Variants in ELAPOR2 observed in about 807,000 individuals in gnomAD.
ELAPOR2 encodes the protein endosome-lysosome associated apoptosis and autophagy regulator family member 2.
Under a neutral mutation model 120.7 loss-of-function variants are expected in ELAPOR2, and 89 were observed. The ratio of observed to expected loss-of-function variants is 0.74; its 90% CI spans 0.62 to 0.88. ELAPOR2 has a LOEUF of 0.88. ELAPOR2 is among the 40% of genes least tolerant of loss of function. The pLI is 0.00. For missense variants in ELAPOR2, 1,134 were observed against 1,251.6 expected (o/e 0.91, Z 1.42); for synonymous variants, 444 against 444.9 (o/e 1.00, Z 0.03).
chr7:86,944,609 T>C (rs1002731059), intron 4 of ELAPOR2, among the ~76,000 whole-genome samples: 4 of 152,116 alleles, frequency 2.6e-5, no homozygotes, highest in African/African-American at 7.2e-5. Flanking sequence ...GAAATATTTG[T>C]CACACAAAAA....
chr7:87,023,565 T>C (rs1398470505), intron 1 of ELAPOR2, among the ~76,000 whole-genome samples: 2 of 152,176 alleles, frequency 1.3e-5, no homozygotes, highest in Admixed American at 6.6e-5. Flanking sequence ...TTTGGTTCCA[T>C]ATTAACTTTA....
rs558548699 is a variant in ELAPOR2, at chr7:86,989,309, A to G, written c.190-24285T>C. On this transcript the variant is annotated intron_variant, in intron 1 of 21. Coordinates refer to ENST00000450689, the MANE Select transcript of ELAPOR2 (RefSeq NM_001142749.3). Reference sequence around the variant, plus strand: ...AAATATGCACATACAAAATACGTGCATATTTAGAGATTAGAGATTCTTGCA... The same window carrying G: ...AAATATGCACATACAAAATACGTGCGTATTTAGAGATTAGAGATTCTTGCA... Among the ~76,000 whole-genome samples, 4 of 152,342 alleles carry G rather than the reference A, an allele frequency of 2.6e-5. No individual in the cohort carries two copies. The East Asian group carries it at 7.7e-4, about 29-fold the overall frequency.
intron 1 of ELAPOR2, among the ~76,000 whole-genome samples, chr7:87,006,551 A>C (rs1793483763): frequency 6.6e-6 from 1 of 152,136 alleles, no homozygotes; most frequent in Admixed American, 6.6e-5. Flanking sequence ...AAAGAAAAAG[A>C]CTGAAAACTC....
At chr7:87,006,186 A>G (rs1793463681) in intron 1 of ELAPOR2, among the ~76,000 whole-genome samples, 1 of 152,170 alleles carries the variant, frequency 6.6e-6, no homozygotes, top group East Asian at 1.9e-4. Context: ...TCAGCACAGG[A>G]CTTCAACAGA....
At chr7:86,880,918 G>A (rs1301886879) in intron 21 of ELAPOR2, among the ~76,000 whole-genome samples, 1 of 151,650 alleles carries the variant, frequency 6.6e-6, no homozygotes, top group South Asian at 2.1e-4. Context: ...ATATTTTCAG[G>A]ATAATATAGG....
chr7:86,881,223 GTC>G (rs202134818), intron 21 of ELAPOR2, among the ~76,000 whole-genome samples: 1,706 of 152,156 alleles, frequency 0.011, 28 homozygotes, highest in African/African-American at 0.04. Context: ...TTGAGACAGG[GTC>G]TCTCTCTGTC....
intron 1 of ELAPOR2, among the ~76,000 whole-genome samples, chr7:87,058,859 G>C (rs1795344504): frequency 1.3e-5 from 2 of 152,116 alleles, no homozygotes; most frequent in Non-Finnish European, 2.9e-5. Flanking sequence ...TGAGGGCAGG[G>C]GAGTAGGACG....
At chr7:86,960,677 T>C (rs1791667890) in intron 2 of ELAPOR2, among the ~76,000 whole-genome samples, 2 of 152,232 alleles carry the variant, frequency 1.3e-5, no homozygotes, top group South Asian at 2.1e-4. Flanking sequence ...GTCTGCTTTA[T>C]ATATTTAGAT....
At chr7:86,885,508 C>T (rs909822451) in intron 21 of ELAPOR2, among the ~76,000 whole-genome samples, 3 of 152,122 alleles carry the variant, frequency 2.0e-5, no homozygotes, top group Non-Finnish European at 4.4e-5. Flanking sequence ...TGCCTCCCTC[C>T]CAAACTACCC....
chr7:86,977,602 G>A (rs752583570), intron 1 of ELAPOR2, among the ~76,000 whole-genome samples: 6 of 152,110 alleles, frequency 3.9e-5, no homozygotes, highest in Non-Finnish European at 7.4e-5. Context: ...TTCTTCACAA[G>A]TTATCTGTTC....
intron 1 of ELAPOR2, among the ~76,000 whole-genome samples, chr7:86,978,844 A>C (rs1464584926): frequency 6.6e-6 from 1 of 152,262 alleles, no homozygotes; most frequent in Non-Finnish European, 1.5e-5. Context: ...GTTTCAGGTC[A>C]TAAACTATAC....
At chr7:86,947,700 G>A (rs771267869) in intron 3 of ELAPOR2, 27 bp downstream of exon 3, 2 of 1,531,508 alleles carry the variant, frequency 1.3e-6, no homozygotes, top group Non-Finnish European at 1.8e-6. Context: ...ATTCAGTTAA[G>A]AGCCAAAGGC....
At chr7:86,968,520 A>G (rs1168382857) in intron 1 of ELAPOR2, among the ~76,000 whole-genome samples, 1 of 152,166 alleles carries the variant, frequency 6.6e-6, no homozygotes, top group East Asian at 1.9e-4. Context: ...GATAAAATAC[A>G]TTTTCATTTC....
chr7:86,932,344 C>T (rs1790364107), intron 8 of ELAPOR2, among the ~76,000 whole-genome samples: 1 of 151,916 alleles, frequency 6.6e-6, no homozygotes, highest in Admixed American at 6.6e-5. Context: ...CTCCCCTCTC[C>T]ATTCCTCAGT....
intron 1 of ELAPOR2, among the ~76,000 whole-genome samples, chr7:86,977,334 G>A (rs1378854199): frequency 7.2e-5 from 11 of 152,086 alleles, no homozygotes; most frequent in Admixed American, 2.6e-4. Context: ...TATAGTTCCC[G>A]TCCTGGATCC....
intron 1 of ELAPOR2, among the ~76,000 whole-genome samples, chr7:87,037,574 G>GT (rs1464343856): frequency 6.6e-6 from 1 of 152,064 alleles, no homozygotes; most frequent in East Asian, 1.9e-4. Context: ...TTTTCTCCCC[G>GT]TGAGAGAGGC....
chr7:86,927,287 TC>T (rs1270747488), intron 8 of ELAPOR2, among the ~76,000 whole-genome samples: 1 of 151,988 alleles, frequency 6.6e-6, no homozygotes, highest in Non-Finnish European at 1.5e-5. Context: ...TTTTGAGACT[TC>T]CACTAACCTC....
At chr7:86,894,513 C>T (rs1170472694) in intron 19 of ELAPOR2, among the ~76,000 whole-genome samples, 1 of 151,956 alleles carries the variant, frequency 6.6e-6, no homozygotes, top group Non-Finnish European at 1.5e-5. Flanking sequence ...GCTCTACTGT[C>T]TGATGACAGT....
At chr7:86,985,091 T>C (rs4579455) in intron 1 of ELAPOR2, among the ~76,000 whole-genome samples, 24,422 of 151,926 alleles carry the variant, frequency 0.16, 2,529 homozygotes, top group African/African-American at 0.29. Flanking sequence ...CTAGAAGAAA[T>C]TGATAAATCC....
Sources: allele counts gnomAD v4.1 joint callset (sites outside exome capture counted in the v4.1 genomes callset), GRCh38; gene constraint gnomAD v4.1.1; transcripts MANE v1.5; gene names NCBI Gene and HGNC (gene_info 2026-07-23, HGNC 2026-07-21).